Variants in MCEMP1 observed in about 807,000 individuals in gnomAD.
MCEMP1 encodes mast cell-expressed membrane protein 1.
In MCEMP1, 17 loss-of-function variants were observed where a neutral mutation model predicts 27.9. The ratio of observed to expected loss-of-function variants is 0.61; its 90% CI spans 0.42 to 0.91. The LOEUF is 0.91. Among genes scored for constraint, MCEMP1 ranks in the 40% least tolerant of loss-of-function variants. MCEMP1 has a pLI of 0.00. For missense variants in MCEMP1, 200 were observed against 204.8 expected (o/e 0.98, Z 0.14); for synonymous variants, 88 against 76.9 (o/e 1.14, Z -0.76).
chr19:7,677,743 C>T lies in MCEMP1; in HGVS notation c.145+17C>T, dbSNP rs201930404. On this transcript the variant is annotated intron_variant, in intron 2 of 6. Coordinates refer to ENST00000333598, the MANE Select transcript of MCEMP1 (RefSeq NM_174918.3). The surrounding 1 kb of genome is among the most constrained non-coding windows in gnomAD (Gnocchi z 4.6). Reference sequence around the variant, plus strand: ...CGAGCCAAGGTGAGCAGACACCCACCTGCTCACATCCCATCACCTTGGGAA... The same window carrying T: ...CGAGCCAAGGTGAGCAGACACCCACTTGCTCACATCCCATCACCTTGGGAA... The T allele has an allele frequency of 1.3e-6, 2 of 1,579,110 alleles. No homozygotes were observed. The highest frequency in any genetic ancestry group is 2.2e-5 in the East Asian group (1 of 44,680).
rs945460592 is a variant in MCEMP1 at position 7,678,650 on chromosome 19, G to A, written c.448+46G>A. The A allele has an allele frequency of 6.5e-7, 1 of 1,547,952 alleles. No individual in the cohort carries two copies. The highest frequency in any genetic ancestry group is 8.9e-7 in the Non-Finnish European group (1 of 1,123,564). ...TCTATGGGGGTTATTTGTCACCAATGCCCGGAGCTGAGCTGGGGGCAGGGG... is the reference window on the plus strand; with the variant it reads ...TCTATGGGGGTTATTTGTCACCAATACCCGGAGCTGAGCTGGGGGCAGGGG... On this transcript the variant is annotated intron_variant, in intron 5 of 6. Transcript: ENST00000333598. This position sits in a 1 kb window ranked among gnomAD's most constrained non-coding sequence, Gnocchi z 4.8.
chr19:7,678,341 C>T lies in MCEMP1; in HGVS notation c.284-9C>T, dbSNP rs756103034. The T allele has an allele frequency of 6.2e-7, 1 of 1,614,052 alleles. No homozygotes were observed. Among genetic ancestry groups the T allele is most frequent in the Non-Finnish European group, 8.5e-7 (1 of 1,180,006 alleles). On this transcript the variant is annotated splice_polypyrimidine_tract_variant and intron_variant, in intron 3 of 6. Coordinates refer to ENST00000333598, the MANE Select transcript of MCEMP1 (RefSeq NM_174918.3). The surrounding 1 kb of genome is among the most constrained non-coding windows in gnomAD (Gnocchi z 4.8). ...GTGCTTCAAGGATTTTCCTGCCCCT[C>T]CTGAACAGATGCTGAGATGTCCAAG...
Position 7,678,429 on chromosome 19 carries a change from G to A in MCEMP1, c.334+29G>A. ...AGCGGAGGGTCTGAGGGAGACCCGT[G>A]GGGTCATGGTGGGGGTCTGGAGAGG... On this transcript the variant is annotated intron_variant, in intron 4 of 6. Coordinates refer to ENST00000333598, the MANE Select transcript of MCEMP1 (RefSeq NM_174918.3). This position sits in a 1 kb window ranked among gnomAD's most constrained non-coding sequence, Gnocchi z 4.8. 6.2e-7 allele frequency: 1 copy of A among 1,613,948 alleles called. No homozygotes were observed. Among genetic ancestry groups the A allele is most frequent in the Non-Finnish European group, 8.5e-7 (1 of 1,179,914 alleles).
Position 7,677,961 on chromosome 19 carries a change from T to C in MCEMP1, c.146-143T>C, listed in dbSNP as rs2032571631. On this transcript the variant is annotated intron_variant, in intron 2 of 6. Coordinates refer to ENST00000333598, the MANE Select transcript of MCEMP1 (RefSeq NM_174918.3). This position sits in a 1 kb window ranked among gnomAD's most constrained non-coding sequence, Gnocchi z 4.6. ...TGAGGGTGGCTGGTGGTGGCAGTGT[T>C]GTTGACGATGATGACAAGCTGCATG... 1 of 1,311,596 alleles carries C rather than the reference T, an allele frequency of 7.6e-7. No homozygotes were observed. Among genetic ancestry groups the C allele is most frequent in the African/African-American group, 1.5e-5 (1 of 67,636 alleles). 81.2% of individuals were successfully genotyped at this position (1,311,596 alleles called of 1,614,324 possible). A position where few individuals can be genotyped will look rare whatever the true frequency, so the allele number is the denominator to read the frequency against.
rs980563621 is a variant in MCEMP1 at position 7,678,948 on chromosome 19, T to C, written c.473T>C (p.Val158Ala). 1 of 1,482,610 alleles carries C rather than the reference T, an allele frequency of 6.7e-7. No individual in the cohort carries two copies. The highest frequency in any genetic ancestry group is 1.9e-5 in the Admixed American group (1 of 51,440). 91.8% of individuals were successfully genotyped at this position (1,482,610 alleles called of 1,614,324 possible). ...GGCATAAAAAACATTGACACAAAGG[T>C]ACAGAAAATCTTGGAGGTGCTGCAG... ...LAGIKNIDTK[V>A]QKILEVLQKM... The change falls in exon 6 of 7, where the codon GTA (valine) becomes GCA (alanine). Residue 158 changes from valine (V) to alanine (A), a missense_variant. By Grantham distance (64) the Val-to-Ala change is moderately conservative. Coordinates refer to ENST00000333598, the MANE Select transcript of MCEMP1 (RefSeq NM_174918.3). The surrounding 1 kb of genome is among the most constrained non-coding windows in gnomAD (Gnocchi z 4.8).
In MCEMP1 at chr19:7,678,259, G is replaced by A; in HGVS notation, c.283+18G>A. The A allele has an allele frequency of 2.5e-6, 4 of 1,614,016 alleles. No individual in the cohort carries two copies. The highest frequency in any genetic ancestry group is 3.4e-6 in the Non-Finnish European group (4 of 1,179,954). Reference sequence around the variant, plus strand: ...GGTGAAGAGTGAGTACTTCTTGGGAGGAGGGTGCTGGGGGGCCTAGACTTT... The same window carrying A: ...GGTGAAGAGTGAGTACTTCTTGGGAAGAGGGTGCTGGGGGGCCTAGACTTT... On this transcript the variant is annotated intron_variant, in intron 3 of 6. Transcript: ENST00000333598. This position sits in a 1 kb window ranked among gnomAD's most constrained non-coding sequence, Gnocchi z 4.8.
At position 7,679,079 on chromosome 19, in the gene MCEMP1, G is replaced by T. The variant is rs556912215; in HGVS notation, c.509-19G>T. 1 of 1,607,828 alleles carries T rather than the reference G, an allele frequency of 6.2e-7. No homozygotes were observed. Among genetic ancestry groups the T allele is most frequent in the African/African-American group, 1.3e-5 (1 of 74,932 alleles). ...CAGGGGCGGGATCTGCCTCACTGTG[G>T]GTCTCTCCCCATCCCCAGAGTCCTC... is the stretch of plus-strand genomic sequence containing the variant. On this transcript the variant is annotated intron_variant, in intron 6 of 6. Coordinates refer to ENST00000333598, the MANE Select transcript of MCEMP1 (RefSeq NM_174918.3). The surrounding 1 kb of genome is among the most constrained non-coding windows in gnomAD (Gnocchi z 4.9).
In MCEMP1 at chr19:7,677,743, C is replaced by A. The variant is rs201930404; in HGVS notation, c.145+17C>A. ...CGAGCCAAGGTGAGCAGACACCCAC[C>A]TGCTCACATCCCATCACCTTGGGAA... On this transcript the variant is annotated intron_variant, in intron 2 of 6. Transcript: ENST00000333598. The surrounding 1 kb of genome is among the most constrained non-coding windows in gnomAD (Gnocchi z 4.6). The A allele has an allele frequency of 3.8e-6, 6 of 1,579,110 alleles. No individual in the cohort carries two copies. In the South Asian group the frequency reaches 7.0e-5, roughly 18 times the overall value.
At position 7,679,008 on chromosome 19, in the gene MCEMP1, T is replaced by TGGA; in HGVS notation, c.508+31_508+33dup. ...CGTAAGTTGGCGCCCCGACAGGAGG[T>TGGA]GGAGGAGGGTGGGTGGGGCTTCAGA... On this transcript the variant is annotated intron_variant, in intron 6 of 6. Transcript: ENST00000333598. This position sits in a 1 kb window ranked among gnomAD's most constrained non-coding sequence, Gnocchi z 4.9. 1 of 1,580,192 alleles carries TGGA rather than the reference T, an allele frequency of 6.3e-7. No homozygotes were observed. The highest frequency in any genetic ancestry group is 8.6e-7 in the Non-Finnish European group (1 of 1,161,636).
rs2032583362 is a variant in MCEMP1, at chr19:7,678,826, G to A, written c.449-98G>A. ...CTCTGCTGTACCCCAGGGTGGGTGT[G>A]GGGCAGGGGGGGTGCTTCCAAGGAA... On this transcript the variant is annotated intron_variant, in intron 5 of 6. Coordinates refer to ENST00000333598, the MANE Select transcript of MCEMP1 (RefSeq NM_174918.3). The surrounding 1 kb of genome is among the most constrained non-coding windows in gnomAD (Gnocchi z 4.8). The A allele has an allele frequency of 2.3e-6, 3 of 1,295,782 alleles. No individual in the cohort carries two copies. Among genetic ancestry groups the A allele is most frequent in the South Asian group, 1.4e-5 (1 of 71,562 alleles). The allele number at this position is 1,295,782 out of a possible 1,614,324, so 80.3% of individuals were successfully genotyped here.
In MCEMP1 at chr19:7,677,486, C is replaced by A; in HGVS notation, c.56-151C>A. On this transcript the variant is annotated intron_variant, in intron 1 of 6. Transcript: ENST00000333598. This position sits in a 1 kb window ranked among gnomAD's most constrained non-coding sequence, Gnocchi z 4.6. Reference sequence around the variant, plus strand: ...TGTGATCACTCAAACTCTCACACACCCGCTCCACTTAACCAAAAAGCAGAT... The same window carrying A: ...TGTGATCACTCAAACTCTCACACACACGCTCCACTTAACCAAAAAGCAGAT... 1.3e-6 allele frequency: 1 copy of A among 758,556 alleles called. No individual in the cohort carries two copies. Among genetic ancestry groups the A allele is most frequent in the Non-Finnish European group, 2.3e-6 (1 of 439,886 alleles). The allele number at this position is 758,556 out of a possible 1,614,324, so 47.0% of individuals were successfully genotyped here. A position where few individuals can be genotyped will look rare whatever the true frequency, so the allele number is the denominator to read the frequency against.
At position 7,677,127 on chromosome 19, in the gene MCEMP1, G is replaced by A; in HGVS notation, c.7G>A (p.Ala3Thr). 3 of 1,600,726 alleles carry A rather than the reference G, an allele frequency of 1.9e-6. No individual in the cohort carries two copies. Among genetic ancestry groups the A allele is most frequent in the Non-Finnish European group, 2.6e-6 (3 of 1,173,248 alleles). The change falls in exon 1 of 7, where the codon GCA becomes ACA. Residue 3 changes from alanine (A) to threonine (T), a missense_variant. By Grantham distance (58) the Ala-to-Thr change is moderately conservative (BLOSUM62 0). Transcript: ENST00000333598. This position sits in a 1 kb window ranked among gnomAD's most constrained non-coding sequence, Gnocchi z 4.6. Reference protein sequence around the residue: MQAPAFRDKKQGV... With the variant: MQTPAFRDKKQGV... ...CAAGCACCAGGAAGTCAAGATGCAA[G>A]CACCAGCCTTCAGGGACAAGAAACA...
Position 7,677,282 on chromosome 19 carries a change from G to A in MCEMP1, c.55+107G>A, listed in dbSNP as rs561435675. The A allele has an allele frequency of 5.0e-6, 5 of 1,001,480 alleles. No individual in the cohort carries two copies. In the South Asian group the frequency reaches 7.4e-5, roughly 15 times the overall value. 62.0% of individuals were successfully genotyped at this position (1,001,480 alleles called of 1,614,324 possible). ...AGCACTTTGGGAGGCTGAGGCGGGA[G>A]GATTGCGTGAGCCCTGGAGGTGGAG... On this transcript the variant is annotated intron_variant, in intron 1 of 6. Coordinates refer to ENST00000333598, the MANE Select transcript of MCEMP1 (RefSeq NM_174918.3). This position sits in a 1 kb window ranked among gnomAD's most constrained non-coding sequence, Gnocchi z 4.6.
chr19:7,679,333 T>C lies in MCEMP1; in HGVS notation c.*219T>C. Reference sequence around the variant, plus strand: ...GTGCGTGTGTGCGCGTGTGTTCGTGTATGTGCGTGTGTGCGTGCGCGTGTG... The same window carrying C: ...GTGCGTGTGTGCGCGTGTGTTCGTGCATGTGCGTGTGTGCGTGCGCGTGTG... On this transcript the variant is annotated 3_prime_UTR_variant, in exon 7 of 7. Transcript: ENST00000333598. The surrounding 1 kb of genome is among the most constrained non-coding windows in gnomAD (Gnocchi z 4.9). The C allele has an allele frequency of 1.7e-6, 1 of 600,976 alleles. No homozygotes were observed. The highest frequency in any genetic ancestry group is 2.9e-6 in the Non-Finnish European group (1 of 344,320). The allele number at this position is 600,976 out of a possible 1,614,324, so 37.2% of individuals were successfully genotyped here.
In MCEMP1 at chr19:7,678,151, T is replaced by A. The variant is rs1300350534; in HGVS notation, c.193T>A (p.Trp65Arg). The A allele has an allele frequency of 6.2e-7, 1 of 1,613,750 alleles. No individual in the cohort carries two copies. Among genetic ancestry groups the A allele is most frequent in the African/African-American group, 1.3e-5 (1 of 74,928 alleles). The change falls in exon 3 of 7, where the codon TGG (tryptophan) becomes AGG (arginine). Residue 65 changes from tryptophan (W) to arginine (R), a missense_variant. Transcript: ENST00000333598. The surrounding 1 kb of genome is among the most constrained non-coding windows in gnomAD (Gnocchi z 4.8). Reference sequence around the variant, plus strand: ...CTCAGACTCCACCCAGGTCCCCTGCTGGTTGTACAGAGCCATCCTGAGCCT... The same window carrying A: ...CTCAGACTCCACCCAGGTCCCCTGCAGGTTGTACAGAGCCATCCTGAGCCT... Reference protein sequence around the residue: ...PPSDSTQVPCWLYRAILSLYI... With the variant: ...PPSDSTQVPCRLYRAILSLYI...
At position 7,678,513 on chromosome 19, in the gene MCEMP1, C is replaced by T. The variant is rs144579994; in HGVS notation, c.357C>T (p.Cys119=). ...LWNVSNSVQA[C]EERQKRGWDS... is the part of the protein sequence containing the mutation. ...CAGTCTCAAACTCCGTACAAGCATG[C>T]GAAGAGAGACAGAAGAGAGGCTGGG... Residue 119 remains cysteine, a synonymous_variant, in exon 5 of 7, where the codon TGC becomes TGT. Coordinates refer to ENST00000333598, the MANE Select transcript of MCEMP1 (RefSeq NM_174918.3). The surrounding 1 kb of genome is among the most constrained non-coding windows in gnomAD (Gnocchi z 4.8). 0.013 allele frequency: 21,112 copies of T among 1,613,954 alleles called. 165 individuals carry two copies. The highest frequency in any genetic ancestry group is 0.016 in the Non-Finnish European group (18,307 of 1,179,936).
rs1409767954 is a variant in MCEMP1 at position 7,677,562 on chromosome 19, AG to A, written c.56-72del. 11 of 1,372,940 alleles carry A rather than the reference AG, an allele frequency of 8.0e-6. No individual in the cohort carries two copies. Among genetic ancestry groups the A allele is most frequent in the South Asian group, 1.2e-5 (1 of 85,750 alleles). The allele number at this position is 1,372,940 out of a possible 1,614,324, so 85.0% of individuals were successfully genotyped here. On this transcript the variant is annotated intron_variant, in intron 1 of 6. Coordinates refer to ENST00000333598, the MANE Select transcript of MCEMP1 (RefSeq NM_174918.3). This position sits in a 1 kb window ranked among gnomAD's most constrained non-coding sequence, Gnocchi z 4.6. ...ACCCCCTACAATTTATTGAGTGCAA[AG>A]GGTTGGGTAAAACAAGATCCCGGAT...
Position 7,677,844 on chromosome 19 carries a change from A to T in MCEMP1, c.145+118A>T. On this transcript the variant is annotated intron_variant, in intron 2 of 6. Transcript: ENST00000333598. This position sits in a 1 kb window ranked among gnomAD's most constrained non-coding sequence, Gnocchi z 4.6. ...GGAAGCGATGGGGAAGGAAGAGGTG[A>T]CAGCTGTTGACGTGCTAATGAGGTC... The T allele has an allele frequency of 9.0e-7, 1 of 1,108,318 alleles. No homozygotes were observed. Among genetic ancestry groups the T allele is most frequent in the Non-Finnish European group, 1.3e-6 (1 of 770,106 alleles). The allele number at this position is 1,108,318 out of a possible 1,614,324, so 68.7% of individuals were successfully genotyped here. A position where few individuals can be genotyped will look rare whatever the true frequency, so the allele number is the denominator to read the frequency against.
Position 7,678,036 on chromosome 19 carries a change from A to C in MCEMP1, c.146-68A>C. ...AGGAGCGAGGTGTCCATGGTGTTAG[A>C]GACAGTGAGGATGGTTTGAGTGGTG... is the stretch of plus-strand genomic sequence containing the variant. On this transcript the variant is annotated intron_variant, in intron 2 of 6. Coordinates refer to ENST00000333598, the MANE Select transcript of MCEMP1 (RefSeq NM_174918.3). The surrounding 1 kb of genome is among the most constrained non-coding windows in gnomAD (Gnocchi z 4.8). 1.3e-6 allele frequency: 2 copies of C among 1,527,460 alleles called. No individual in the cohort carries two copies. Among genetic ancestry groups the C allele is most frequent in the Non-Finnish European group, 1.8e-6 (2 of 1,140,358 alleles). The allele number at this position is 1,527,460 out of a possible 1,614,324, so 94.6% of individuals were successfully genotyped here.
Sources: gnomAD v4.1 joint callset for allele counts on GRCh38, gnomAD v4.1.1 for gene constraint, Gnocchi (gnomAD v3.1) non-coding constraint, MANE v1.5 for transcripts, NCBI Gene and HGNC (gene_info 2026-07-23, HGNC 2026-07-21) for gene names.